STK10: variants seen among roughly 807,000 people sequenced by gnomAD.
STK10 encodes the protein serine/threonine kinase 10.
STK10 carries 78 observed loss-of-function variants against 113.8 expected under a neutral mutation model. The observed-to-expected ratio is 0.69, with a 90% CI of 0.57 to 0.83. The LOEUF (loss-of-function observed/expected upper bound fraction) is 0.83. Ranked by LOEUF, STK10 falls within the 40% of genes least tolerant of loss-of-function variation. STK10 has a pLI of 0.00. For synonymous variants in STK10, 465 were observed against 494.7 expected (o/e 0.94, Z 0.80); for missense variants, 1,109 against 1,280.1 (o/e 0.87, Z 2.04).
chr5:172,128,197 G>C (rs882329), intron 2 of STK10, among the ~76,000 whole-genome samples: 34,379 of 122,972 alleles, frequency 0.28, 4,289 homozygotes, highest in Middle Eastern at 0.34. Flanking sequence ...CTGGGCAATA[G>C]AGCAATAGAG....
At chr5:172,072,188 T>A (rs2113716504) in intron 12 of STK10, among the ~76,000 whole-genome samples, 1 of 152,280 alleles carries the variant, frequency 6.6e-6, no homozygotes, top group East Asian at 1.9e-4. Context: ...ATGAAACCCA[T>A]TTGATAAAAT....
At chr5:172,058,493 G>A (rs750716858) in intron 14 of STK10, among the ~76,000 whole-genome samples, 10 of 152,206 alleles carry the variant, frequency 6.6e-5, no homozygotes, top group Non-Finnish European at 1.5e-4. Flanking sequence ...ATTGCCCTGG[G>A]ATATTGGCCT....
At chr5:172,177,114 C>T (rs1770773919) in intron 1 of STK10, among the ~76,000 whole-genome samples, 1 of 151,936 alleles carries the variant, frequency 6.6e-6, no homozygotes, top group Non-Finnish European at 1.5e-5. Flanking sequence ...GCGATCATGC[C>T]GCCAGTGAGC....
At chr5:172,181,596 C>G (rs930253453) in intron 1 of STK10, among the ~76,000 whole-genome samples, 76 of 151,504 alleles carry the variant, frequency 5.0e-4, no homozygotes, top group Non-Finnish European at 7.4e-5. Flanking sequence ...GATTCTCCTG[C>G]CTCACCCTCC....
intron 2 of STK10, among the ~76,000 whole-genome samples, chr5:172,128,579 C>G (rs1028732107): frequency 5.9e-5 from 9 of 152,236 alleles, no homozygotes; most frequent in African/African-American, 2.2e-4. Flanking sequence ...GATCCACCCG[C>G]CCTGGCCTCC....
Position 172,093,950 on chromosome 5 carries a change from T to A in STK10, c.1016A>T (p.Asn339Ile). The A allele has an allele frequency of 6.7e-7, 1 of 1,489,166 alleles. No individual in the cohort carries two copies. The highest frequency in any genetic ancestry group is 8.9e-7 in the Non-Finnish European group (1 of 1,118,128). The allele number at this position is 1,489,166 out of a possible 1,614,324, so 92.2% of individuals were successfully genotyped here. Residue 339 changes from asparagine to isoleucine, a missense_variant, in exon 9 of 19, where the codon AAC (asparagine) becomes ATC (isoleucine). Asn to Ile is a moderately radical substitution (Grantham distance 149). This residue lies in a region of STK10 where 885 missense variants were observed against 991.1 expected (regional missense o/e 0.89). Coordinates refer to ENST00000176763, the MANE Select transcript of STK10 (RefSeq NM_005990.4). This position sits in a 1 kb window ranked among gnomAD's most constrained non-coding sequence, Gnocchi z 4.1. ...DAVDAASTLE[N>I]HTQNSSEVSP... is the part of the protein sequence containing the mutation. ...CACCTCAGAGGAGTTCTGAGTATGG[T>A]TCTCCAGGGTCTAGAAAAATATATA...
intron 1 of STK10, among the ~76,000 whole-genome samples, chr5:172,163,328 A>G (rs556749295): frequency 1.8e-4 from 28 of 152,248 alleles, no homozygotes; most frequent in Admixed American, 6.5e-4. Context: ...GCTGGATCCA[A>G]TTCAAGCCTT....
chr5:172,130,754 C>T (rs1403416212), intron 2 of STK10, among the ~76,000 whole-genome samples: 2 of 152,078 alleles, frequency 1.3e-5, no homozygotes, highest in Admixed American at 1.3e-4. Context: ...TCTCTTGCCT[C>T]CAACTTCATT....
intron 3 of STK10, among the ~76,000 whole-genome samples, chr5:172,123,412 AG>A (rs1769556849): frequency 6.6e-6 from 1 of 152,152 alleles, no homozygotes; most frequent in South Asian, 2.1e-4. Context: ...GAGCCAGAGA[AG>A]GGTTTGTCTG....
chr5:172,045,257 G>A (rs1404119389), intron 18 of STK10, among the ~76,000 whole-genome samples: 1 of 152,086 alleles, frequency 6.6e-6, no homozygotes, highest in African/African-American at 2.4e-5. Flanking sequence ...GGTACAGTTG[G>A]GGGAAATGTC....
intron 2 of STK10, among the ~76,000 whole-genome samples, chr5:172,141,349 G>T (rs141126532): frequency 0.011 from 1,687 of 152,236 alleles, 33 homozygotes; most frequent in African/African-American, 0.038. Context: ...GGCCGAGGCG[G>T]GAAGATTGCT....
intron 1 of STK10, among the ~76,000 whole-genome samples, chr5:172,175,979 A>C (rs138923558): frequency 4.3e-4 from 66 of 152,150 alleles, no homozygotes; most frequent in Non-Finnish European, 6.5e-4. Flanking sequence ...TCAACTCCCT[A>C]CTCATCTATC....
At chr5:172,112,088 A>C (rs1185159779) in intron 4 of STK10, among the ~76,000 whole-genome samples, 2 of 152,220 alleles carry the variant, frequency 1.3e-5, no homozygotes, top group African/African-American at 4.8e-5. Flanking sequence ...CTATGAAATA[A>C]CATGCAGCTC....
intron 12 of STK10, 90 bp from the exon 13 acceptor site, chr5:172,064,902 G>A (rs1768035709): frequency 1.4e-6 from 2 of 1,421,912 alleles, no homozygotes; most frequent in Non-Finnish European, 1.9e-6. Context: ...CCGGGCCAGA[G>A]AAACCAAAGA....
chr5:172,129,095 C>T (rs1394547983), intron 2 of STK10, among the ~76,000 whole-genome samples: 2 of 152,204 alleles, frequency 1.3e-5, no homozygotes, highest in Non-Finnish European at 2.9e-5. Context: ...ACTGTGTCCT[C>T]AGCTGTAAAA....
At chr5:172,175,552 C>T (rs1205751985) in intron 1 of STK10, among the ~76,000 whole-genome samples, 2 of 152,152 alleles carry the variant, frequency 1.3e-5, no homozygotes, top group Admixed American at 6.5e-5. Flanking sequence ...CCCTGACACC[C>T]GCCCTTTTCC....
chr5:172,096,634 A>AC (rs1276650484), intron 7 of STK10, 74 bp from the exon 8 acceptor site: 1 of 1,576,850 alleles, frequency 6.3e-7, no homozygotes, highest in African/African-American at 1.3e-5. Context: ...GGGGGAGCTC[A>AC]CCCCCGGGGC....
intron 2 of STK10, among the ~76,000 whole-genome samples, chr5:172,145,645 G>A (rs1770070000): frequency 6.6e-6 from 1 of 152,210 alleles, no homozygotes; most frequent in Non-Finnish European, 1.5e-5. Context: ...TTCCACTCTG[G>A]AGCCAGACAC....
intron 2 of STK10, among the ~76,000 whole-genome samples, chr5:172,143,381 AAAAG>A (rs1188722208): frequency 6.6e-6 from 1 of 152,182 alleles, no homozygotes; most frequent in Non-Finnish European, 1.5e-5. Context: ...AAAACAAAAA[AAAAG>A]AAAGAAAGAA....
Sources: gnomAD v4.1 joint callset for allele counts (sites outside exome capture counted in the v4.1 genomes callset) on GRCh38, gnomAD v4.1.1 for gene constraint, gnomAD v4.1.1 regional missense constraint, Gnocchi (gnomAD v3.1) non-coding constraint, MANE v1.5 for transcripts, NCBI Gene and HGNC (gene_info 2026-07-23, HGNC 2026-07-21) for gene names.